Variants in CTNNA3 observed in about 807,000 individuals in gnomAD.
The protein encoded by CTNNA3 is catenin alpha 3.
In CTNNA3, 76 loss-of-function variants were observed where a neutral mutation model predicts 95.7. The observed-to-expected ratio is 0.79, with a 90% CI of 0.66 to 0.96. The LOEUF (loss-of-function observed/expected upper bound fraction) is 0.96. Among genes scored for constraint, CTNNA3 ranks in the 40% least tolerant of loss-of-function variants. The pLI is 0.00. For synonymous variants in CTNNA3, 431 were observed against 374.4 expected (o/e 1.15, Z -1.74); for missense variants, 1,191 against 1,089.8 (o/e 1.09, Z -1.31).
At chr10:66,611,979 T>TC (rs546176889) in intron 10 of CTNNA3, among the ~76,000 whole-genome samples, 38 of 152,122 alleles carry the variant, frequency 2.5e-4, no homozygotes, top group South Asian at 1.0e-3. Flanking sequence ...TTATTTTCTA[T>TC]CATCTCAACC....
chr10:67,552,941 T>A (rs1358502907), intron 3 of CTNNA3, among the ~76,000 whole-genome samples: 1 of 152,162 alleles, frequency 6.6e-6, no homozygotes. Flanking sequence ...CTATTTTGAG[T>A]GGATTCTTCA....
At chr10:66,659,987 GT>G (rs144145577) in intron 9 of CTNNA3, among the ~76,000 whole-genome samples, 1 of 151,668 alleles carries the variant, frequency 6.6e-6, no homozygotes, top group African/African-American at 2.4e-5. Flanking sequence ...ATATTCCTGG[GT>G]TTTTTTTCTT....
chr10:66,698,481 T>C (rs561175813), intron 9 of CTNNA3, among the ~76,000 whole-genome samples: 3 of 145,720 alleles, frequency 2.1e-5, no homozygotes, highest in Admixed American at 6.7e-5. Flanking sequence ...CCTGTGGCAC[T>C]GATTACAAAA....
chr10:66,591,188 C>A (rs1391517248), intron 10 of CTNNA3, among the ~76,000 whole-genome samples: 1 of 152,078 alleles, frequency 6.6e-6, no homozygotes, highest in African/African-American at 2.4e-5. Flanking sequence ...AAGAGAGCAG[C>A]CTCAGCAGGT....
chr10:66,306,044 T>G (rs561460986), intron 12 of CTNNA3, among the ~76,000 whole-genome samples: 5 of 152,304 alleles, frequency 3.3e-5, no homozygotes, highest in African/African-American at 1.2e-4. Flanking sequence ...ACACAAAGAT[T>G]ATCACATAAT....
rs539064058 is a variant in CTNNA3, at chr10:66,037,812, G to T, written c.2159+31496C>A. Among the ~76,000 whole-genome samples, 3 of 152,246 alleles carry T rather than the reference G, an allele frequency of 2.0e-5. No homozygotes were observed. In the South Asian group the frequency reaches 6.2e-4, roughly 32 times the overall value. On this transcript the variant is annotated intron_variant, in intron 15 of 17. Transcript: ENST00000433211. ...CCGTGTTGTTACTGCTGCTAGAAAA[G>T]CTATTTCTCTAGTTTTCAGCTGGAC...
Position 66,167,616 on chromosome 10 carries a change from A to G in CTNNA3, c.1885-64367T>C, listed in dbSNP as rs112032710. Among the ~76,000 whole-genome samples the G allele has an allele frequency of 8.5e-3, 1,288 of 152,254 alleles. 31 individuals are homozygous for G. The highest frequency in any genetic ancestry group is 0.029 in the African/African-American group (1,198 of 41,566). ...GCAAGGTAGAAAGTTATTTAAAGAG[A>G]CATCAAAAACAAGTTGATCTACTTT... On this transcript the variant is annotated intron_variant, in intron 13 of 17. Coordinates refer to ENST00000433211, the MANE Select transcript of CTNNA3 (RefSeq NM_013266.4).
chr10:67,492,447 C>T (rs1838879716), intron 5 of CTNNA3, among the ~76,000 whole-genome samples: 1 of 152,180 alleles, frequency 6.6e-6, no homozygotes, highest in Non-Finnish European at 1.5e-5. Context: ...TTCTGACTCA[C>T]TTGTATACTT....
intron 7 of CTNNA3, among the ~76,000 whole-genome samples, chr10:66,905,582 T>C (rs1845954610): frequency 6.6e-6 from 1 of 152,098 alleles, no homozygotes; most frequent in African/African-American, 2.4e-5. Context: ...ATTGCAGCAA[T>C]ATTCGTAATA....
intron 12 of CTNNA3, among the ~76,000 whole-genome samples, chr10:66,327,457 T>C (rs2092268318): frequency 2.0e-5 from 3 of 152,052 alleles, no homozygotes; most frequent in South Asian, 2.1e-4. Context: ...TCACTACCCA[T>C]GCTAAAATAG....
chr10:67,081,463 T>C (rs1161457150), intron 7 of CTNNA3, among the ~76,000 whole-genome samples: 1 of 152,192 alleles, frequency 6.6e-6, no homozygotes, highest in African/African-American at 2.4e-5. Context: ...ATTATATCCA[T>C]TTAACAGTGC....
chr10:66,001,939 ACTCT>A (rs1320415478), intron 15 of CTNNA3, among the ~76,000 whole-genome samples: 1 of 151,660 alleles, frequency 6.6e-6, no homozygotes, highest in East Asian at 1.9e-4. Context: ...ACACACATAA[ACTCT>A]CTCTGTGTGT....
intron 7 of CTNNA3, among the ~76,000 whole-genome samples, chr10:66,805,606 T>G (rs182866305): frequency 6.6e-6 from 1 of 151,644 alleles, no homozygotes; most frequent in African/African-American, 2.4e-5. Flanking sequence ...AAGGATTTTC[T>G]GAGATGTCTA....
chr10:66,582,232 A>G (rs1377817418), intron 10 of CTNNA3, among the ~76,000 whole-genome samples: 1 of 151,662 alleles, frequency 6.6e-6, no homozygotes, highest in Non-Finnish European at 1.5e-5. Flanking sequence ...ATTGCTTTGG[A>G]GTGTATGGTC....
At chr10:66,401,596 T>C (rs2093021971) in intron 11 of CTNNA3, among the ~76,000 whole-genome samples, 1 of 151,712 alleles carries the variant, frequency 6.6e-6, no homozygotes, top group Non-Finnish European at 1.5e-5. Context: ...CATGCAAATA[T>C]TGATTGAATT....
chr10:67,443,085 G>T (rs951274537), intron 5 of CTNNA3, among the ~76,000 whole-genome samples: 28 of 149,634 alleles, frequency 1.9e-4, no homozygotes, highest in African/African-American at 4.9e-4. Context: ...TGAGAATGAT[G>T]ATTTCCAATT....
At chr10:66,143,723 T>C (rs1001169301) in intron 13 of CTNNA3, among the ~76,000 whole-genome samples, 1 of 152,202 alleles carries the variant, frequency 6.6e-6, no homozygotes, top group Non-Finnish European at 1.5e-5. Context: ...TCAATTAAAC[T>C]ACCAAAGTAA....
intron 5 of CTNNA3, among the ~76,000 whole-genome samples, chr10:67,382,665 A>C (rs1425316814): frequency 6.6e-6 from 1 of 152,168 alleles, no homozygotes; most frequent in Non-Finnish European, 1.5e-5. Flanking sequence ...TTGCATTGTT[A>C]TAAAGGAAAT....
At chr10:65,986,710 T>A (rs377353414) in intron 16 of CTNNA3, among the ~76,000 whole-genome samples, 133 of 138,384 alleles carry the variant, frequency 9.6e-4, no homozygotes, top group African/African-American at 3.3e-3. Flanking sequence ...AAAAAAAAAA[T>A]CCTAAAATTT....
Sources: gnomAD v4.1 joint callset for allele counts (sites outside exome capture counted in the v4.1 genomes callset) on GRCh38, gnomAD v4.1.1 for gene constraint, MANE v1.5 for transcripts, NCBI Gene and HGNC (gene_info 2026-07-23, HGNC 2026-07-21) for gene names.